Variants in ADGRB2 observed in about 807,000 individuals in gnomAD.
ADGRB2 encodes the protein adhesion G protein-coupled receptor B2.
A neutral mutation model predicts 178.7 loss-of-function variants in ADGRB2; 47 were observed. The observed-to-expected ratio is 0.26, with a 90% CI of 0.21 to 0.34. The LOEUF (loss-of-function observed/expected upper bound fraction) is 0.34. ADGRB2 is among the 10% of genes least tolerant of loss of function. The pLI is 1.00. For missense variants in ADGRB2, 1,584 were observed against 2,180.8 expected (o/e 0.73, Z 5.45); for synonymous variants, 870 against 912.4 (o/e 0.95, Z 0.84).
chr1:31,747,838 C>T (rs574118777), intron 4 of ADGRB2, among the ~76,000 whole-genome samples: 6 of 152,344 alleles, frequency 3.9e-5, no homozygotes, highest in East Asian at 1.9e-4. Context: ...GTATCAGCTC[C>T]GTCCCACAGC....
At position 31,738,636 on chromosome 1, in the gene ADGRB2, G is replaced by C; in HGVS notation, c.2602-6C>G. 1.2e-6 allele frequency: 2 copies of C among 1,612,366 alleles called. No individual in the cohort carries two copies. Among genetic ancestry groups the C allele is most frequent in the African/African-American group, 1.3e-5 (1 of 75,004 alleles). ...CAATGGGGATCCGTGGTCCCCTGGG[G>C]AGCAAAAGACATGAGTGCAGTCTAG... On this transcript the variant is annotated splice_polypyrimidine_tract_variant and splice_region_variant and intron_variant, in intron 16 of 32. Coordinates refer to ENST00000373658, the MANE Select transcript of ADGRB2 (RefSeq NM_001364857.2).
chr1:31,738,700 TG>T, intron 16 of ADGRB2, 70 bp from the exon 17 acceptor site: 1 of 1,601,824 alleles, frequency 6.2e-7, no homozygotes, highest in South Asian at 1.1e-5. Flanking sequence ...GCCCATGCCA[TG>T]GGGGCCACAG....
In ADGRB2 at chr1:31,741,269, A is replaced by C. The variant is rs1569896968; in HGVS notation, c.1794+104T>G. 2 of 1,210,466 alleles carry C rather than the reference A, an allele frequency of 1.7e-6. No homozygotes were observed. Among genetic ancestry groups the C allele is most frequent in the East Asian group, 5.1e-5 (2 of 38,938 alleles). The allele number at this position is 1,210,466 out of a possible 1,614,324, so 75.0% of individuals were successfully genotyped here. On this transcript the variant is annotated intron_variant, in intron 11 of 32. Transcript: ENST00000373658. This position sits in a 1 kb window ranked among gnomAD's most constrained non-coding sequence, Gnocchi z 6.5. ...ACAGCCAGGCAGAAGTGGGCACAGC[A>C]TATGCCAAGGCACGTGGGAACGAGC...
chr1:31,737,597 A>C (rs909908361), intron 19 of ADGRB2, 55 bp downstream of exon 19: 2 of 1,609,792 alleles, frequency 1.2e-6, no homozygotes, highest in Non-Finnish European at 8.5e-7. Flanking sequence ...GTGGCTGGCC[A>C]CCTTCTGCGC....
rs1268616953 is a variant in ADGRB2, at chr1:31,737,880, G to A, written c.2773-125C>T. 5 of 898,906 alleles carry A rather than the reference G, an allele frequency of 5.6e-6. No individual in the cohort carries two copies. The African/African-American group carries it at 6.6e-5, about 12-fold the overall frequency. The allele number at this position is 898,906 out of a possible 1,614,324, so 55.7% of individuals were successfully genotyped here. ...AGAAGGGCAACACCTTCTTGCTGTTGTACTCATGTATGCACAGAACAGACC... is the reference window on the plus strand; with the variant it reads ...AGAAGGGCAACACCTTCTTGCTGTTATACTCATGTATGCACAGAACAGACC... On this transcript the variant is annotated intron_variant, in intron 18 of 32. Transcript: ENST00000373658.
At chr1:31,757,140 A>T in intron 3 of ADGRB2, 61 bp downstream of exon 3, 1 of 1,613,456 alleles carries the variant, frequency 6.2e-7, no homozygotes, top group Non-Finnish European at 8.5e-7. Context: ...CTGTTTCCTC[A>T]GAGTCAGCCC....
At chr1:31,748,193 G>T (rs1008472298) in intron 4 of ADGRB2, among the ~76,000 whole-genome samples, 1 of 152,258 alleles carries the variant, frequency 6.6e-6, no homozygotes, top group Non-Finnish European at 1.5e-5. Context: ...GGCGAAGCGG[G>T]AGTGGGTTGG....
rs946375018 is a variant in ADGRB2, at chr1:31,728,542, C to T, written c.4416+56G>A. 4 of 1,611,554 alleles carry T rather than the reference C, an allele frequency of 2.5e-6. No individual in the cohort carries two copies. The African/African-American group carries it at 5.3e-5, about 22-fold the overall frequency. ...GGACTACTTTTAGGAGTGAGCCCTC[C>T]AGGGACAGACACCACAGCCAGATGT... On this transcript the variant is annotated intron_variant, in intron 30 of 32. Transcript: ENST00000373658. The surrounding 1 kb of genome is among the most constrained non-coding windows in gnomAD (Gnocchi z 6.7).
In ADGRB2 at chr1:31,764,053, C is replaced by T; in HGVS notation, c.-360G>A. 1.7e-5 allele frequency: 7 copies of T among 402,336 alleles called. No individual in the cohort carries two copies. Among genetic ancestry groups the T allele is most frequent in the Non-Finnish European group, 2.2e-5 (7 of 311,248 alleles). The allele number at this position is 402,336 out of a possible 1,614,324, so 24.9% of individuals were successfully genotyped here. ...CGGGCGGCGGGTGCAGAAAAGGCGC[C>T]GCGGAGCAGCGCGGGGCGGGCGGGC... is the stretch of plus-strand genomic sequence containing the variant. On this transcript the variant is annotated 5_prime_UTR_variant, in exon 1 of 33. Transcript: ENST00000373658. This position sits in a 1 kb window ranked among gnomAD's most constrained non-coding sequence, Gnocchi z 7.3.
Position 31,759,217 on chromosome 1 carries a change from G to A in ADGRB2, c.-190-1706C>T. On this transcript the variant is annotated intron_variant, in intron 1 of 32. Coordinates refer to ENST00000373658, the MANE Select transcript of ADGRB2 (RefSeq NM_001364857.2). This position sits in a 1 kb window ranked among gnomAD's most constrained non-coding sequence, Gnocchi z 4.3. ...ACACAGGTGAAACCCACAGATTCATGCTGTCACACACACTCAGGAGTTAAC... is the reference window on the plus strand; with the variant it reads ...ACACAGGTGAAACCCACAGATTCATACTGTCACACACACTCAGGAGTTAAC... 1.3e-6 allele frequency: 1 copy of A among 754,728 alleles called. No homozygotes were observed. The allele number at this position is 754,728 out of a possible 1,614,324, so 46.8% of individuals were successfully genotyped here.
At chr1:31,762,640 G>A (rs1647075400) in intron 1 of ADGRB2, among the ~76,000 whole-genome samples, 1 of 118,006 alleles carries the variant, frequency 8.5e-6, no homozygotes, top group Admixed American at 1.2e-4. Flanking sequence ...CAGAACATAT[G>A]GCCTGACAAC....
At chr1:31,762,887 C>T (rs551888174) in intron 1 of ADGRB2, among the ~76,000 whole-genome samples, 12 of 152,252 alleles carry the variant, frequency 7.9e-5, no homozygotes, top group African/African-American at 2.6e-4. Context: ...CGGCATCTCT[C>T]GGCCCGGGCG....
chr1:31,738,142 C>A, intron 18 of ADGRB2, 58 bp downstream of exon 18: 1 of 1,593,946 alleles, frequency 6.3e-7, no homozygotes, highest in South Asian at 1.1e-5. Flanking sequence ...TCACTGATGG[C>A]TGCTGGAAGC....
rs761166938 is a variant in ADGRB2 at position 31,728,106 on chromosome 1, C to T, written c.4516-25G>A. The T allele has an allele frequency of 1.2e-6, 2 of 1,612,054 alleles. No individual in the cohort carries two copies. The highest frequency in any genetic ancestry group is 1.7e-6 in the Non-Finnish European group (2 of 1,179,526). On this transcript the variant is annotated intron_variant, in intron 31 of 32. Coordinates refer to ENST00000373658, the MANE Select transcript of ADGRB2 (RefSeq NM_001364857.2). The surrounding 1 kb of genome is among the most constrained non-coding windows in gnomAD (Gnocchi z 6.7). ...TCTGCAACGGGGGCCACCGGTCAGGCTCCAACCCCAGGGGCCACTGCACCA... is the reference window on the plus strand; with the variant it reads ...TCTGCAACGGGGGCCACCGGTCAGGTTCCAACCCCAGGGGCCACTGCACCA...
chr1:31,735,165 C>T lies in ADGRB2; in HGVS notation c.3452+18G>A, dbSNP rs1645513440. 1 of 1,428,042 alleles carries T rather than the reference C, an allele frequency of 7.0e-7. No homozygotes were observed. Among genetic ancestry groups the T allele is most frequent in the Non-Finnish European group, 9.2e-7 (1 of 1,087,308 alleles). 88.5% of individuals were successfully genotyped at this position (1,428,042 alleles called of 1,614,324 possible). A position where few individuals can be genotyped will look rare whatever the true frequency, so the allele number is the denominator to read the frequency against. ...TTGCCCCACCCACCCCCACCGCCCC[C>T]CAGGGGGCACGACTAACATGGCGTT... On this transcript the variant is annotated intron_variant, in intron 25 of 32. Coordinates refer to ENST00000373658, the MANE Select transcript of ADGRB2 (RefSeq NM_001364857.2). The surrounding 1 kb of genome is among the most constrained non-coding windows in gnomAD (Gnocchi z 6.0).
rs373774671 is a variant in ADGRB2 at position 31,741,672 on chromosome 1, C to A, written c.1639G>T (p.Ala547Ser). The A allele has an allele frequency of 2.5e-6, 4 of 1,613,980 alleles. No individual in the cohort carries two copies. Among genetic ancestry groups the A allele is most frequent in the Non-Finnish European group, 3.4e-6 (4 of 1,180,000 alleles). The change falls in exon 10 of 33, where the codon GCA (alanine) becomes TCA (serine). Residue 547 changes from alanine to serine, a missense_variant. This residue lies in a region of ADGRB2 where 657 missense variants were observed against 847.6 expected (regional missense o/e 0.78). Transcript: ENST00000373658. This position sits in a 1 kb window ranked among gnomAD's most constrained non-coding sequence, Gnocchi z 6.5. ...TTGTAGATGATCTCGCCAGCAGCTG[C>A]CTTCTTCCACGTCATCAGCATCACG... ...EYVMLMTWKK[A>S]AAGEIIYNKC...
rs1336587664 is a variant in ADGRB2, at chr1:31,740,977, A to C, written c.1794+396T>G. On this transcript the variant is annotated intron_variant, in intron 11 of 32. Transcript: ENST00000373658. The surrounding 1 kb of genome is among the most constrained non-coding windows in gnomAD (Gnocchi z 5.9). Reference sequence around the variant, plus strand: ...CAACACAAGCTCTAAATGCATTCACACAATTAATACCCAATTACAGTCAAA... The same window carrying C: ...CAACACAAGCTCTAAATGCATTCACCCAATTAATACCCAATTACAGTCAAA... Among the ~76,000 whole-genome samples the C allele has an allele frequency of 6.6e-6, 1 of 151,840 alleles. No homozygotes were observed. The highest frequency in any genetic ancestry group is 1.5e-5 in the Non-Finnish European group (1 of 67,972).
chr1:31,747,658 C>T (rs1158937406), intron 4 of ADGRB2, among the ~76,000 whole-genome samples: 8 of 152,168 alleles, frequency 5.3e-5, no homozygotes, highest in Admixed American at 5.2e-4. Flanking sequence ...TACCATAAGC[C>T]CGTTGAGGGA....
At chr1:31,750,242 A>T (rs1224922502) in intron 4 of ADGRB2, among the ~76,000 whole-genome samples, 2 of 152,100 alleles carry the variant, frequency 1.3e-5, no homozygotes, top group African/African-American at 4.8e-5. Context: ...ACCTGTGAGG[A>T]TCTTGGGCTC....
Sources: allele counts gnomAD v4.1 joint callset (sites outside exome capture counted in the v4.1 genomes callset), GRCh38; gene constraint gnomAD v4.1.1; regional missense constraint gnomAD v4.1.1; non-coding constraint Gnocchi (gnomAD v3.1); transcripts MANE v1.5; gene names NCBI Gene and HGNC (gene_info 2026-07-23, HGNC 2026-07-21).